Variants in BCAT1 observed in about 807,000 individuals in gnomAD.
The protein encoded by BCAT1 is branched chain amino acid transaminase 1, also known as branched-chain-amino-acid aminotransferase, cytosolic.
A neutral mutation model predicts 52.4 loss-of-function variants in BCAT1; 48 were observed. That is an observed-to-expected ratio of 0.92 (90% CI 0.73 to 1.16). BCAT1 has a LOEUF of 1.16. Ranked by LOEUF, BCAT1 falls within the 50% of genes most tolerant of loss-of-function variation. The probability of loss-of-function intolerance (pLI) is 0.00; values close to 1 mark genes in which losing one functional copy is unlikely to be tolerated. For missense variants in BCAT1, 451 were observed against 457.1 expected, an observed-to-expected ratio of 0.99 and a Z score of 0.12; for synonymous variants, 167 against 161.3, an observed-to-expected ratio of 1.04 and a Z score of -0.27.
In BCAT1 at chr12:24,831,597, C is replaced by T. The variant is rs139111828; in HGVS notation, c.1044+1126G>A. Reference sequence around the variant, plus strand: ...TTGGGAGGCGGAGGTTGCAGTGAGCCGAGATTGTGCCCCTGCACTCCAGTA... The same window carrying T: ...TTGGGAGGCGGAGGTTGCAGTGAGCTGAGATTGTGCCCCTGCACTCCAGTA... On this transcript the variant is annotated intron_variant, in intron 9 of 10. Coordinates refer to ENST00000261192, the MANE Select transcript of BCAT1 (RefSeq NM_005504.7). Among the ~76,000 whole-genome samples the T allele has an allele frequency of 3.2e-4, 48 of 152,114 alleles. No individual in the cohort carries two copies. In the East Asian group the frequency reaches 7.7e-3, roughly 25 times the overall value.
chr12:24,854,925 G>C (rs1055288347), intron 5 of BCAT1, among the ~76,000 whole-genome samples: 5 of 152,054 alleles, frequency 3.3e-5, no homozygotes, highest in African/African-American at 9.7e-5. Flanking sequence ...TCTTCCCGCT[G>C]AGCCTTCACC....
intron 1 of BCAT1, among the ~76,000 whole-genome samples, chr12:24,915,004 C>CT (rs1943386553): frequency 1.3e-5 from 2 of 152,184 alleles, no homozygotes; most frequent in Non-Finnish European, 2.9e-5. Context: ...GTCATCCCAA[C>CT]TTTTACCCAC....
rs1182969461 is a variant in BCAT1, at chr12:24,842,141, T to C, written c.758A>G (p.His253Arg). Residue 253 changes from histidine (H) to arginine (R), a missense_variant, in exon 7 of 11, where the codon CAT becomes CGT. His to Arg is a conservative substitution (Grantham distance 29). Coordinates refer to ENST00000261192, the MANE Select transcript of BCAT1 (RefSeq NM_005504.7). ...CATAGTTCCCACTTCAGTGATCTGATGGTCCTCTCCATAGAGCCACAGGAC... is the reference window on the plus strand; with the variant it reads ...CATAGTTCCCACTTCAGTGATCTGACGGTCCTCTCCATAGAGCCACAGGAC... ...QQVLWLYGED[H>R]QITEVGTMNL... 6 of 1,613,706 alleles carry C rather than the reference T, an allele frequency of 3.7e-6. No individual in the cohort carries two copies. The highest frequency in any genetic ancestry group is 1.7e-4 in the Middle Eastern group (1 of 6,060).
intron 8 of BCAT1, 75 bp from the exon 9 acceptor site, chr12:24,832,938 C>A: frequency 7.1e-7 from 1 of 1,400,684 alleles, no homozygotes; most frequent in Non-Finnish European, 9.7e-7. Context: ...ACTTACTGTT[C>A]TGCTTAACAT....
At chr12:24,933,819 T>C (rs1591888023) in intron 1 of BCAT1, among the ~76,000 whole-genome samples, 1 of 152,162 alleles carries the variant, frequency 6.6e-6, no homozygotes, top group Non-Finnish European at 1.5e-5. Context: ...GGGTGGCGAA[T>C]GCACCAGATT....
intron 3 of BCAT1, among the ~76,000 whole-genome samples, chr12:24,893,116 T>C (rs1438908946): frequency 6.6e-6 from 1 of 152,196 alleles, no homozygotes; most frequent in Non-Finnish European, 1.5e-5. Flanking sequence ...ATGTAGGGGC[T>C]ATATAACAGA....
At chr12:24,840,421 A>G (rs1941140462) in intron 7 of BCAT1, among the ~76,000 whole-genome samples, 1 of 152,226 alleles carries the variant, frequency 6.6e-6, no homozygotes, top group Non-Finnish European at 1.5e-5. Context: ...ACTGGCTACA[A>G]TCTTCCAAGT....
intron 5 of BCAT1, among the ~76,000 whole-genome samples, chr12:24,855,673 G>A (rs1023748242): frequency 2.0e-5 from 3 of 152,174 alleles, no homozygotes; most frequent in Admixed American, 6.5e-5. Context: ...GAACTACCAC[G>A]CCTGGCACCA....
chr12:24,948,621 T>C (rs1055855261), intron 1 of BCAT1, among the ~76,000 whole-genome samples: 1 of 152,132 alleles, frequency 6.6e-6, no homozygotes, highest in Non-Finnish European at 1.5e-5. Flanking sequence ...AAGCCCTCAC[T>C]TCCTTTCCAA....
intron 1 of BCAT1, 101 bp downstream of exon 1, chr12:24,948,826 C>T: frequency 3.0e-6 from 4 of 1,336,054 alleles, no homozygotes; most frequent in African/African-American, 1.4e-5. Context: ...ATGGTTGTCT[C>T]GCCTTCCTCC....
chr12:24,876,766 G>A (rs1942358299), intron 5 of BCAT1, among the ~76,000 whole-genome samples: 1 of 152,074 alleles, frequency 6.6e-6, no homozygotes. Context: ...GAACACATGG[G>A]CACATGCAGG....
chr12:24,929,937 G>A (rs1328879660), intron 1 of BCAT1, among the ~76,000 whole-genome samples: 1 of 152,152 alleles, frequency 6.6e-6, no homozygotes, highest in Non-Finnish European at 1.5e-5. Flanking sequence ...TATGAAAAGG[G>A]TAAAGAAAGT....
chr12:24,875,184 T>C lies in BCAT1; in HGVS notation c.510+3346A>G, dbSNP rs551700422. On this transcript the variant is annotated intron_variant, in intron 5 of 10. Transcript: ENST00000261192. ...CTACTGGCACCAGTCTTCCAGCCAG[T>C]ACTTCACATATCAAATGTAGCCACC... Among the ~76,000 whole-genome samples, 5 of 152,300 alleles carry C rather than the reference T, an allele frequency of 3.3e-5. No individual in the cohort carries two copies. The South Asian group carries it at 1.0e-3, about 32-fold the overall frequency.
At chr12:24,828,419 T>C (rs970000630) in intron 10 of BCAT1, among the ~76,000 whole-genome samples, 2 of 152,090 alleles carry the variant, frequency 1.3e-5, no homozygotes, top group African/African-American at 4.8e-5. Context: ...AAGTTAGCAG[T>C]ATGAAAAAAT....
chr12:24,891,818 G>A (rs549344933), intron 3 of BCAT1, among the ~76,000 whole-genome samples: 15 of 151,148 alleles, frequency 9.9e-5, no homozygotes, highest in Admixed American at 4.6e-4. Flanking sequence ...GCGTGATCTC[G>A]GCTCACTGCA....
At chr12:24,863,930 C>CAA (rs113367318) in intron 5 of BCAT1, among the ~76,000 whole-genome samples, 1 of 136,782 alleles carries the variant, frequency 7.3e-6, no homozygotes, top group African/African-American at 2.7e-5. Flanking sequence ...GACCTTGTCT[C>CAA]AAAAAAAAAA....
rs1343006143 is a variant in BCAT1, at chr12:24,817,116, A to C, written c.*892T>G. 1 of 152,450 alleles carries C rather than the reference A, an allele frequency of 6.6e-6. No homozygotes were observed. Among genetic ancestry groups the C allele is most frequent in the Admixed American group, 6.5e-5 (1 of 15,292 alleles). The allele number at this position is 152,450 out of a possible 1,614,324, so 9.4% of individuals were successfully genotyped here. A position where few individuals can be genotyped will look rare whatever the true frequency, so the allele number is the denominator to read the frequency against. Reference sequence around the variant, plus strand: ...ATTTCCTAAACTAACTATGCTTCAGAGTATCTCTAATGACTTAGTAGCTCA... The same window carrying C: ...ATTTCCTAAACTAACTATGCTTCAGCGTATCTCTAATGACTTAGTAGCTCA... On this transcript the variant is annotated 3_prime_UTR_variant, in exon 11 of 11. Transcript: ENST00000261192.
chr12:24,836,481 A>C (rs1197609102), intron 8 of BCAT1, 30 bp downstream of exon 8: 3 of 1,564,074 alleles, frequency 1.9e-6, no homozygotes, highest in South Asian at 2.3e-5. Flanking sequence ...TTTCAGGCTT[A>C]CAAAAGTTGT....
chr12:24,876,642 T>C (rs1374419980), intron 5 of BCAT1, among the ~76,000 whole-genome samples: 1 of 152,198 alleles, frequency 6.6e-6, no homozygotes, highest in East Asian at 1.9e-4. Context: ...TTGAGATCAG[T>C]AACAATGTTT....
Sources: allele counts gnomAD v4.1 joint callset (sites outside exome capture counted in the v4.1 genomes callset), GRCh38; gene constraint gnomAD v4.1.1; transcripts MANE v1.5; gene names NCBI Gene and HGNC (gene_info 2026-07-23, HGNC 2026-07-21).